Variants in NOS1 observed in about 807,000 individuals in gnomAD.
NOS1 encodes the protein nitric oxide synthase 1, also known as NOS type I.
NOS1 carries 51 observed loss-of-function variants against 164.5 expected under a neutral mutation model. That is an observed-to-expected ratio of 0.31 (90% confidence interval 0.25 to 0.39). The LOEUF (loss-of-function observed/expected upper bound fraction) is 0.39. Among genes scored for constraint, NOS1 ranks in the 10% least tolerant of loss-of-function variants. The pLI is 1.00. For missense variants in NOS1, 1,362 were observed against 1,885.6 expected (o/e 0.72, Z 5.14); for synonymous variants, 719 against 745.8 (o/e 0.96, Z 0.59).
At chr12:117,284,998 C>A (rs7967614) in intron 7 of NOS1, among the ~76,000 whole-genome samples, 2 of 149,398 alleles carry the variant, frequency 1.3e-5, no homozygotes, top group Non-Finnish European at 3.0e-5. Context: ...TGCAGTGAGC[C>A]GAGATCATGC....
intron 1 of NOS1, among the ~76,000 whole-genome samples, chr12:117,355,857 T>C (rs1274844033): frequency 6.6e-6 from 1 of 152,186 alleles, no homozygotes; most frequent in African/African-American, 2.4e-5. Flanking sequence ...CATCCTGGGC[T>C]CAAGCTATCC....
chr12:117,229,316 C>A (rs1182332557), intron 22 of NOS1, among the ~76,000 whole-genome samples: 2 of 152,190 alleles, frequency 1.3e-5, no homozygotes, highest in Non-Finnish European at 2.9e-5. Flanking sequence ...TACTCAAGGA[C>A]CTTGCTGGGC....
intron 24 of NOS1, among the ~76,000 whole-genome samples, chr12:117,225,604 C>T (rs1457111462): frequency 6.6e-6 from 1 of 151,966 alleles, no homozygotes; most frequent in African/African-American, 2.4e-5. Flanking sequence ...CAAAAATCAC[C>T]CTGGTTTGAG....
chr12:117,297,990 TG>T (rs1429454787), intron 3 of NOS1, among the ~76,000 whole-genome samples: 1 of 152,084 alleles, frequency 6.6e-6, no homozygotes, highest in Non-Finnish European at 1.5e-5. Flanking sequence ...ATCGGTTTTG[TG>T]GAAGACAATT....
At chr12:117,299,542 G>A (rs1297960721) in intron 3 of NOS1, among the ~76,000 whole-genome samples, 1 of 151,760 alleles carries the variant, frequency 6.6e-6, no homozygotes, top group Admixed American at 6.6e-5. Flanking sequence ...GGGAGGCTGA[G>A]GCAGGAGAAT....
In NOS1 at chr12:117,213,464, G is replaced by A. The variant is rs1956557701; in HGVS notation, c.*1845C>T. The A allele has an allele frequency of 1.0e-6, 1 of 985,428 alleles. No homozygotes were observed. The highest frequency in any genetic ancestry group is 6.1e-5 in the Admixed American group (1 of 16,264). The allele number at this position is 985,428 out of a possible 1,614,324, so 61.0% of individuals were successfully genotyped here. On this transcript the variant is annotated 3_prime_UTR_variant, in exon 29 of 29. Transcript: ENST00000317775. ...CAGGGGAGATTATAGCTGGCATGAA[G>A]TCAAGCTCCATGTGGCAGGAACAGG...
In NOS1 at chr12:117,259,054, C is replaced by A; in HGVS notation, c.2444G>T (p.Gly815Val). Residue 815 changes from glycine (G) to valine (V), a missense_variant, in exon 15 of 29, where the codon GGC becomes GTC. Gly to Val is a moderately radical substitution (Grantham distance 109). This residue lies in a region of NOS1 where 737 missense variants were observed against 1,030.3 expected (regional missense o/e 0.72). Coordinates refer to ENST00000317775, the MANE Select transcript of NOS1 (RefSeq NM_000620.5). ...TLVLVVTSTFGNGDPPENGEK... is the reference protein window; with the variant it reads ...TLVLVVTSTFVNGDPPENGEK... ...CCCATTCTCAGGGGGATCTCCATTGCCAAAGGTGCTGGTGACCACAAGGAC... is the reference window on the plus strand; with the variant it reads ...CCCATTCTCAGGGGGATCTCCATTGACAAAGGTGCTGGTGACCACAAGGAC... 6.2e-7 allele frequency: 1 copy of A among 1,614,032 alleles called. No homozygotes were observed. The highest frequency in any genetic ancestry group is 8.5e-7 in the Non-Finnish European group (1 of 1,179,958).
intron 3 of NOS1, among the ~76,000 whole-genome samples, chr12:117,293,736 T>C (rs996829874): frequency 6.6e-6 from 1 of 151,812 alleles, no homozygotes; most frequent in Non-Finnish European, 1.5e-5. Context: ...CTTATATTAT[T>C]ACTTGTATTA....
chr12:117,356,393 G>A lies in NOS1; in HGVS notation c.-421+5119C>T, dbSNP rs555185129. 6.6e-6 allele frequency among the ~76,000 whole-genome samples: 1 copy of A among 152,166 alleles called. No individual in the cohort carries two copies. On this transcript the variant is annotated intron_variant, in intron 1 of 28. Coordinates refer to ENST00000317775, the MANE Select transcript of NOS1 (RefSeq NM_000620.5). This position sits in a 1 kb window ranked among gnomAD's most constrained non-coding sequence, Gnocchi z 4.2. ...CACAAATCAGGCTATGGGCTTTGAT[G>A]CTACCTCCTCTGAGAAGTCCTCCCT...
intron 17 of NOS1, among the ~76,000 whole-genome samples, chr12:117,247,762 C>T (rs1306089509): frequency 4.6e-5 from 7 of 151,842 alleles, no homozygotes; most frequent in East Asian, 3.9e-4. Flanking sequence ...CTGGCTAACA[C>T]GGTGAAACCC....
chr12:117,266,248 TCC>T (rs9658389), intron 11 of NOS1, among the ~76,000 whole-genome samples: 2,531 of 152,254 alleles, frequency 0.017, 29 homozygotes, highest in South Asian at 0.043. Context: ...TAGTCTTTTA[TCC>T]CTCACCCCCT....
At chr12:117,238,876 G>T (rs1476517915) in intron 20 of NOS1, among the ~76,000 whole-genome samples, 1 of 151,962 alleles carries the variant, frequency 6.6e-6, no homozygotes, top group Non-Finnish European at 1.5e-5. Flanking sequence ...TAAAATAAAG[G>T]AAAGAAAAAA....
chr12:117,213,088 A>G lies in NOS1; in HGVS notation c.*2221T>C, dbSNP rs1956553035. On this transcript the variant is annotated 3_prime_UTR_variant, in exon 29 of 29. Transcript: ENST00000317775. Reference sequence around the variant, plus strand: ...CTACTAGAAAGGCAGGCACATGCAGAAAGGAGGTGCCTGGCACCTTGTAAG... The same window carrying G: ...CTACTAGAAAGGCAGGCACATGCAGGAAGGAGGTGCCTGGCACCTTGTAAG... The G allele has an allele frequency of 1.0e-6, 1 of 985,448 alleles. No individual in the cohort carries two copies. The highest frequency in any genetic ancestry group is 1.2e-6 in the Non-Finnish European group (1 of 829,928). 61.0% of individuals were successfully genotyped at this position (985,448 alleles called of 1,614,324 possible).
chr12:117,357,257 A>T (rs1393691430), intron 1 of NOS1, among the ~76,000 whole-genome samples: 1 of 152,148 alleles, frequency 6.6e-6, no homozygotes, highest in Non-Finnish European at 1.5e-5. Flanking sequence ...CAGGAGGTCG[A>T]AGCCCCTTCC....
In NOS1 at chr12:117,214,239, G is replaced by C. The variant is rs975370858; in HGVS notation, c.*1070C>G. 14 of 985,196 alleles carry C rather than the reference G, an allele frequency of 1.4e-5. No individual in the cohort carries two copies. In the Admixed American group the frequency reaches 1.8e-4, roughly 13 times the overall value. The allele number at this position is 985,196 out of a possible 1,614,324, so 61.0% of individuals were successfully genotyped here. On this transcript the variant is annotated 3_prime_UTR_variant, in exon 29 of 29. Coordinates refer to ENST00000317775, the MANE Select transcript of NOS1 (RefSeq NM_000620.5). ...TATTGTTACTTGATATTGTTTCCAG[G>C]CACCAAAGCTTTAACATTTAATCCA...
intron 8 of NOS1, among the ~76,000 whole-genome samples, chr12:117,279,593 C>A (rs1040096771): frequency 6.6e-6 from 1 of 152,138 alleles, no homozygotes; most frequent in Non-Finnish European, 1.5e-5. Flanking sequence ...TGGAATGATT[C>A]TTTGTGCTTA....
chr12:117,323,988 C>T (rs1478220411), intron 2 of NOS1, among the ~76,000 whole-genome samples: 1 of 151,660 alleles, frequency 6.6e-6, no homozygotes, highest in African/African-American at 2.4e-5. Context: ...TGGGGTTTTG[C>T]CATGTTGGCC....
intron 9 of NOS1, among the ~76,000 whole-genome samples, chr12:117,274,630 C>G (rs556598089): frequency 6.6e-6 from 1 of 151,934 alleles, no homozygotes; most frequent in East Asian, 1.9e-4. Flanking sequence ...CTTAGCTGGG[C>G]GTGGTGGTTC....
At chr12:117,251,906 T>C (rs1364166958) in intron 17 of NOS1, among the ~76,000 whole-genome samples, 2 of 151,896 alleles carry the variant, frequency 1.3e-5, no homozygotes, top group African/African-American at 2.4e-5. Context: ...TAAGTTTTTA[T>C]ATTTTTGGTG....
Sources: allele counts gnomAD v4.1 joint callset (sites outside exome capture counted in the v4.1 genomes callset), GRCh38; gene constraint gnomAD v4.1.1; regional missense constraint gnomAD v4.1.1; non-coding constraint Gnocchi (gnomAD v3.1); transcripts MANE v1.5; gene names NCBI Gene and HGNC (gene_info 2026-07-23, HGNC 2026-07-21).